SLC28A1: variants seen among roughly 807,000 people sequenced by gnomAD.
The protein encoded by SLC28A1 is solute carrier family 28 member 1, also known as sodium/nucleoside cotransporter 1.
In SLC28A1, 64 loss-of-function variants were observed where a neutral mutation model predicts 74.8. That is an observed-to-expected ratio of 0.86 (90% CI 0.70 to 1.05). SLC28A1 has a LOEUF of 1.05. Among genes scored for constraint, SLC28A1 ranks in the 50% least tolerant of loss-of-function variants. SLC28A1 has a pLI of 0.00. For missense variants in SLC28A1, 828 were observed against 822.8 expected, an observed-to-expected ratio of 1.01 and a Z score of -0.08; for synonymous variants, 359 against 335.0, an observed-to-expected ratio of 1.07 and a Z score of -0.78.
intron 18 of SLC28A1, 113 bp from the exon 19 acceptor site, chr15:84,945,012 T>G (rs982044983): frequency 1.5e-5 from 17 of 1,137,074 alleles, no homozygotes; most frequent in Non-Finnish European, 2.3e-5. Flanking sequence ...CGAGGACCAA[T>G]GGAGGAAGGG....
chr15:84,912,895 G>A (rs1409006429), intron 9 of SLC28A1, among the ~76,000 whole-genome samples: 2 of 151,704 alleles, frequency 1.3e-5, no homozygotes, highest in African/African-American at 2.4e-5. Flanking sequence ...TAGTTAAGGG[G>A]TAACTGGTAA....
the SLC28A1 span, among the ~76,000 whole-genome samples, chr15:84,965,112 A>G: frequency 6.6e-6 from 1 of 152,160 alleles, no homozygotes; most frequent in South Asian, 2.1e-4. Flanking sequence ...GTGGAAGGTA[A>G]TTGAGTATTG....
At chr15:84,946,084 T>TTGTATATATATA (rs1567196223), downstream of SLC28A1, among the ~76,000 whole-genome samples, 8 of 27,546 alleles carry the variant, frequency 2.9e-4, no homozygotes, top group African/African-American at 1.1e-3. Context: ...GTGTGTATGT[T>TTGTATATATATA]CATATATATA....
intron 2 of SLC28A1, among the ~76,000 whole-genome samples, chr15:84,887,000 A>G (rs1964678683): frequency 6.6e-6 from 1 of 152,220 alleles, no homozygotes; most frequent in African/African-American, 2.4e-5. Flanking sequence ...GGTGTTAGTT[A>G]CCACTCTTAT....
At position 84,895,007 on chromosome 15, in the gene SLC28A1, C is replaced by A; in HGVS notation, c.345C>A (p.Leu115=). ...AGAGGGCCCTGGCTCTGTTTGTCCT[C>A]ACCTGTGTGGTCCTCACCTTCCTGG... ...DFQRALALFV[L]TCVVLTFLGH... The change falls in exon 6 of 19, where the codon CTC becomes CTA. Residue 115 remains leucine (L), a synonymous_variant. Coordinates refer to ENST00000394573, the MANE Select transcript of SLC28A1 (RefSeq NM_004213.5). The A allele has an allele frequency of 6.2e-7, 1 of 1,614,216 alleles. No homozygotes were observed. The highest frequency in any genetic ancestry group is 8.5e-7 in the Non-Finnish European group (1 of 1,180,026).
chr15:84,935,262 G>A, intron 14 of SLC28A1, 59 bp from the exon 15 acceptor site: 1 of 1,612,164 alleles, frequency 6.2e-7, no homozygotes, highest in Middle Eastern at 1.7e-4. Flanking sequence ...AGTGGTGGCT[G>A]GAGACCTAGC....
Position 84,933,321 on chromosome 15 carries a change from G to C in SLC28A1, c.1214+46G>C, listed in dbSNP as rs80124540. ...TGCAGACAGGGTAGTGGTACAAGGTGGGGGGAGCAAAGCAGAGGGTCCCGT... is the reference window on the plus strand; with the variant it reads ...TGCAGACAGGGTAGTGGTACAAGGTCGGGGGAGCAAAGCAGAGGGTCCCGT... On this transcript the variant is annotated intron_variant, in intron 13 of 18. Coordinates refer to ENST00000394573, the MANE Select transcript of SLC28A1 (RefSeq NM_004213.5). 49 of 1,599,504 alleles carry C rather than the reference G, an allele frequency of 3.1e-5. No individual in the cohort carries two copies. In the East Asian group the frequency reaches 3.6e-4, roughly 12 times the overall value.
the SLC28A1 span, among the ~76,000 whole-genome samples, chr15:84,963,862 G>C: frequency 0.023 from 3,572 of 152,212 alleles, 145 homozygotes; most frequent in African/African-American, 0.082. Flanking sequence ...CTAGCACAGC[G>C]CCTCCTCTGT....
chr15:84,895,040 C>A lies in SLC28A1; in HGVS notation c.378C>A (p.Arg126=). The A allele has an allele frequency of 6.2e-7, 1 of 1,613,824 alleles. No homozygotes were observed. The highest frequency in any genetic ancestry group is 8.5e-7 in the Non-Finnish European group (1 of 1,179,840). ...TCVVLTFLGH[R]LLKRLLGPKL... ...TGGTCCTCACCTTCCTGGGCCACCG[C>A]CTGCTGAAACGGCTTCTGGGGCCAA... Residue 126 remains arginine, a synonymous_variant, in exon 6 of 19, where the codon CGC becomes CGA. Transcript: ENST00000394573.
Position 84,945,173 on chromosome 15 carries a change from T to C in SLC28A1, c.1923T>C (p.Phe641=), listed in dbSNP as rs754828588. 1.6e-5 allele frequency: 26 copies of C among 1,613,948 alleles called. No individual in the cohort carries two copies. The highest frequency in any genetic ancestry group is 3.3e-4 in the Middle Eastern group (2 of 6,084). ...AGGCCCTGGACAACTGCTGTCGGTT[T>C]TACAACCACACGATCTGTGCACAGT... ...SPEALDNCCR[F]YNHTICAQ is the part of the protein sequence containing the mutation. Residue 641 remains phenylalanine (F), a synonymous_variant, in exon 19 of 19, where the codon TTT becomes TTC. Transcript: ENST00000394573.
At chr15:84,963,628 C>A in the SLC28A1 span, among the ~76,000 whole-genome samples, 3 of 145,258 alleles carry the variant, frequency 2.1e-5, no homozygotes, top group African/African-American at 8.6e-5. Context: ...GGTCCAGCTG[C>A]CCCCCCGAGC....
In SLC28A1 at chr15:84,944,880, G is replaced by A. The variant is rs189543247; in HGVS notation, c.1874+13G>A. ...AGGCCTTCCAGAGGTGAGGGCCTGG[G>A]CTGTGGGACCTGCAGGGCACCCACA... On this transcript the variant is annotated intron_variant, in intron 18 of 18. Coordinates refer to ENST00000394573, the MANE Select transcript of SLC28A1 (RefSeq NM_004213.5). The A allele has an allele frequency of 1.3e-5, 20 of 1,572,950 alleles. No individual in the cohort carries two copies. The African/African-American group carries it at 2.4e-4, about 19-fold the overall frequency.
chr15:84,933,822 A>G (rs1018899727), intron 13 of SLC28A1, among the ~76,000 whole-genome samples: 4 of 152,192 alleles, frequency 2.6e-5, no homozygotes, highest in African/African-American at 9.7e-5. Flanking sequence ...TTAAAATACA[A>G]AAGTTAGCCA....
At chr15:84,966,699 A>AGAGC in the SLC28A1 span, among the ~76,000 whole-genome samples, 1 of 152,242 alleles carries the variant, frequency 6.6e-6, no homozygotes, top group Non-Finnish European at 1.5e-5. Context: ...ACAAGAGAAG[A>AGAGC]GAGCTTGTGC....
chr15:84,971,906 C>A, the SLC28A1 span, among the ~76,000 whole-genome samples: 1 of 152,256 alleles, frequency 6.6e-6, no homozygotes, highest in Non-Finnish European at 1.5e-5. Context: ...CTCAGCTTCC[C>A]AAAGTGCTGG....
At chr15:84,917,584 C>G (rs1969296087) in intron 9 of SLC28A1, among the ~76,000 whole-genome samples, 1 of 151,498 alleles carries the variant, frequency 6.6e-6, no homozygotes, top group Non-Finnish European at 1.5e-5. Flanking sequence ...ACCCCCCACC[C>G]CCTTCTTAAA....
At chr15:84,916,019 G>T (rs568823842) in intron 9 of SLC28A1, among the ~76,000 whole-genome samples, 1 of 151,916 alleles carries the variant, frequency 6.6e-6, no homozygotes, top group South Asian at 2.1e-4. Flanking sequence ...CTGGAGTGCA[G>T]TCGGATGATC....
downstream of SLC28A1, among the ~76,000 whole-genome samples, chr15:84,945,996 AT>A (rs1472157721): frequency 1.4e-5 from 2 of 146,408 alleles, no homozygotes; most frequent in Non-Finnish European, 3.0e-5. Flanking sequence ...AGTAGCTAGG[AT>A]CATAGGCATG....
At position 84,945,231 on chromosome 15, in the gene SLC28A1, T is replaced by TGAG; in HGVS notation, c.*33_*35dup. ...GAACATGCTTGTGCTTCTGCGCTTC[T>TGAG]GAGGGCTGTTCTCCCCCGGGAACCA... On this transcript the variant is annotated 3_prime_UTR_variant, in exon 19 of 19. Coordinates refer to ENST00000394573, the MANE Select transcript of SLC28A1 (RefSeq NM_004213.5). 2 of 1,600,930 alleles carry TGAG rather than the reference T, an allele frequency of 1.2e-6. No homozygotes were observed. Among genetic ancestry groups the TGAG allele is most frequent in the East Asian group, 4.5e-5 (2 of 44,826 alleles).
Sources: allele counts gnomAD v4.1 joint callset (sites outside exome capture counted in the v4.1 genomes callset), GRCh38; gene constraint gnomAD v4.1.1; transcripts MANE v1.5; gene names NCBI Gene and HGNC (gene_info 2026-07-23, HGNC 2026-07-21).